The following DPY19L1 variants were observed in gnomAD, a reference collection of about 807,000 sequenced individuals.
The protein encoded by DPY19L1 is dpy-19 like C-mannosyltransferase 1.
A neutral mutation model predicts 96.9 loss-of-function variants in DPY19L1; 35 were observed. The observed-to-expected ratio is 0.36, with a 90% CI of 0.28 to 0.48. The LOEUF (loss-of-function observed/expected upper bound fraction) is 0.48. Among genes scored for constraint, DPY19L1 ranks in the 20% least tolerant of loss-of-function variants. The pLI, the probability that DPY19L1 is intolerant of heterozygous loss-of-function variation, is 0.99. For synonymous variants in DPY19L1, 205 were observed against 252.6 expected (o/e 0.81, Z 1.79); for missense variants, 521 against 777.9 (o/e 0.67, Z 3.93).
At chr7:34,969,644 C>T (rs1784684246) in intron 8 of DPY19L1, 112 bp from the exon 9 acceptor site, 2 of 504,554 alleles carry the variant, frequency 4.0e-6, no homozygotes, top group Non-Finnish European at 6.6e-6. Flanking sequence ...TATAACACAA[C>T]CTAAACATAA....
chr7:35,030,082 C>CA lies in DPY19L1; in HGVS notation c.298+7014dup, dbSNP rs140299676. ...AGAGTGAGAAATAAGGTCTCATTTT[C>CA]AAAAAACAACAACAACTTTTTAAAC... On this transcript the variant is annotated intron_variant, in intron 1 of 21. Transcript: ENST00000638088. Among the ~76,000 whole-genome samples the CA allele has an allele frequency of 2.9e-3, 445 of 152,030 alleles. 9 individuals are homozygous for CA. In the East Asian group the frequency reaches 0.047, roughly 16 times the overall value.
chr7:34,967,495 A>T (rs943685756), intron 9 of DPY19L1, among the ~76,000 whole-genome samples: 1 of 152,190 alleles, frequency 6.6e-6, no homozygotes, highest in African/African-American at 2.4e-5. Flanking sequence ...ATCAATTTCA[A>T]ATTAAGAGTA....
rs573038873 is a variant in DPY19L1, at chr7:34,986,985, ATTT to A, written c.822+2896_822+2898del. On this transcript the variant is annotated intron_variant, in intron 7 of 21. Transcript: ENST00000638088. Reference sequence around the variant, plus strand: ...ACAGCATCAATCATGCTTCATAATAATTTTTTTAATCTTATCATGAAAAAGCTA... The same window carrying A: ...ACAGCATCAATCATGCTTCATAATAATTTTAATCTTATCATGAAAAAGCTA... Among the ~76,000 whole-genome samples, 988 of 152,054 alleles carry A rather than the reference ATTT, an allele frequency of 6.5e-3. 11 individuals are homozygous for A. Among genetic ancestry groups the A allele is most frequent in the African/African-American group, 0.023 (940 of 41,534 alleles).
intron 6 of DPY19L1, among the ~76,000 whole-genome samples, chr7:35,005,483 G>A (rs1489815113): frequency 6.6e-6 from 1 of 151,338 alleles, no homozygotes; most frequent in Admixed American, 6.6e-5. Context: ...GGTAGCAAGG[G>A]GACCCAAGGG....
chr7:34,953,295 T>C, intron 13 of DPY19L1, among the ~76,000 whole-genome samples: 1 of 152,212 alleles, frequency 6.6e-6, no homozygotes, highest in East Asian at 1.9e-4. Context: ...AATAACATAG[T>C]TTATAGCATC....
At chr7:34,959,909 AT>A (rs57561186) in intron 10 of DPY19L1, among the ~76,000 whole-genome samples, 62,571 of 116,806 alleles carry the variant, frequency 0.54, 14,493 homozygotes, top group Admixed American at 0.66. Context: ...ATATATATAT[AT>A]ATATATATAT....
At chr7:35,029,107 C>A (rs1330839953) in intron 1 of DPY19L1, among the ~76,000 whole-genome samples, 1 of 152,174 alleles carries the variant, frequency 6.6e-6, no homozygotes, top group Admixed American at 6.6e-5. Flanking sequence ...GGATGCCTAA[C>A]CTTCTGGTAA....
At chr7:35,028,259 C>G (rs1257186543) in intron 1 of DPY19L1, among the ~76,000 whole-genome samples, 1 of 152,114 alleles carries the variant, frequency 6.6e-6, no homozygotes, top group African/African-American at 2.4e-5. Context: ...AGAGGATGCA[C>G]TAGCACACAG....
chr7:34,955,757 T>C (rs1490455286), intron 11 of DPY19L1, among the ~76,000 whole-genome samples: 3 of 152,186 alleles, frequency 2.0e-5, no homozygotes, highest in Non-Finnish European at 4.4e-5. Context: ...GCAAATGAAA[T>C]GTTAATGGAT....
intron 4 of DPY19L1, 89 bp from the exon 5 acceptor site, chr7:35,011,539 A>G (rs879016403): frequency 7.8e-7 from 1 of 1,289,044 alleles, no homozygotes; most frequent in Non-Finnish European, 1.1e-6. Flanking sequence ...GACAATTACC[A>G]TATTTTCCCT....
chr7:34,937,955 G>A (rs368806325), intron 21 of DPY19L1, 39 bp downstream of exon 21: 373 of 1,600,210 alleles, frequency 2.3e-4, no homozygotes, highest in Non-Finnish European at 2.8e-4. Flanking sequence ...TAACCTTCAT[G>A]TCTTATGATT....
At chr7:35,004,005 C>A (rs1785492954) in intron 6 of DPY19L1, among the ~76,000 whole-genome samples, 1 of 152,240 alleles carries the variant, frequency 6.6e-6, no homozygotes, top group Non-Finnish European at 1.5e-5. Flanking sequence ...TCAGACTCTG[C>A]ACTCTTTGGC....
At chr7:34,975,842 A>T (rs1784819462) in intron 7 of DPY19L1, among the ~76,000 whole-genome samples, 1 of 152,244 alleles carries the variant, frequency 6.6e-6, no homozygotes, top group African/African-American at 2.4e-5. Flanking sequence ...AGCCTAGATG[A>T]CTGCACATCT....
intron 10 of DPY19L1, among the ~76,000 whole-genome samples, chr7:34,961,999 G>A (rs1784510649): frequency 6.6e-6 from 1 of 152,218 alleles, no homozygotes; most frequent in Non-Finnish European, 1.5e-5. Context: ...ATTGCTGGTG[G>A]TAATGCAAAA....
At chr7:34,937,680 T>A (rs1003402658) in intron 21 of DPY19L1, among the ~76,000 whole-genome samples, 40 of 152,294 alleles carry the variant, frequency 2.6e-4, no homozygotes, top group African/African-American at 9.1e-4. Context: ...ACGCCTGTAC[T>A]CCCAGCACTT....
intron 13 of DPY19L1, among the ~76,000 whole-genome samples, chr7:34,953,830 A>C (rs1317894409): frequency 6.6e-6 from 1 of 152,188 alleles, no homozygotes; most frequent in African/African-American, 2.4e-5. Context: ...AAGCAAAAAT[A>C]ACCCTTGTTC....
chr7:34,937,104 G>A (rs566532003), intron 21 of DPY19L1, among the ~76,000 whole-genome samples: 8 of 152,150 alleles, frequency 5.3e-5, no homozygotes, highest in Admixed American at 2.0e-4. Context: ...AGTCACTTAC[G>A]TGCCACATTT....
intron 21 of DPY19L1, among the ~76,000 whole-genome samples, chr7:34,936,368 G>T (rs377405708): frequency 1.2e-4 from 18 of 152,240 alleles, no homozygotes; most frequent in African/African-American, 4.1e-4. Flanking sequence ...CTATGCAGGG[G>T]TCTAGGCAGA....
intron 1 of DPY19L1, among the ~76,000 whole-genome samples, chr7:35,030,356 G>A (rs1786231047): frequency 6.6e-6 from 1 of 152,106 alleles, no homozygotes; most frequent in Non-Finnish European, 1.5e-5. Context: ...AATTTGTCTA[G>A]GTAACAAGTT....
Sources: gnomAD v4.1 joint callset for allele counts (sites outside exome capture counted in the v4.1 genomes callset) on GRCh38, gnomAD v4.1.1 for gene constraint, MANE v1.5 for transcripts, NCBI Gene and HGNC (gene_info 2026-07-23, HGNC 2026-07-21) for gene names.